DNMT3B: variants seen among roughly 807,000 people sequenced by gnomAD.
The protein encoded by DNMT3B is DNA methyltransferase 3 beta.
A neutral mutation model predicts 120.2 loss-of-function variants in DNMT3B; 37 were observed. The ratio of observed to expected loss-of-function variants is 0.31; its 90% CI spans 0.24 to 0.40. The LOEUF is 0.40. Among genes scored for constraint, DNMT3B ranks in the 10% least tolerant of loss-of-function variants. The pLI, the probability that DNMT3B is intolerant of heterozygous loss-of-function variation, is 1.00. For missense variants in DNMT3B, 878 were observed against 1,137.3 expected, an observed-to-expected ratio of 0.77 and a Z score of 3.28; for synonymous variants, 412 against 442.8, an observed-to-expected ratio of 0.93 and a Z score of 0.87.
chr20:32,801,139 TC>T (rs1294149676), intron 18 of DNMT3B, 138 bp from the exon 19 acceptor site: 29 of 1,332,014 alleles, frequency 2.2e-5, no homozygotes, highest in Non-Finnish European at 3.1e-5. Flanking sequence ...GTCCCTGCTG[TC>T]ATTCAGGTGG....
intron 16 of DNMT3B, among the ~76,000 whole-genome samples, chr20:32,799,627 C>G (rs1027184976): frequency 6.6e-6 from 1 of 152,186 alleles, no homozygotes; most frequent in African/African-American, 2.4e-5. Flanking sequence ...TCAAGTGATT[C>G]TCTCCTCAGC....
intron 1 of DNMT3B, among the ~76,000 whole-genome samples, chr20:32,762,929 C>A (rs929794479): frequency 6.6e-6 from 1 of 152,006 alleles, no homozygotes; most frequent in Non-Finnish European, 1.5e-5. Context: ...GGGGGACATA[C>A]GTCTGACGGG....
chr20:32,797,605 C>G lies in DNMT3B; in HGVS notation c.1490+306C>G, dbSNP rs142620922. 9.5e-3 allele frequency among the ~76,000 whole-genome samples: 1,440 copies of G among 152,190 alleles called. 25 individuals carry two copies. Among genetic ancestry groups the G allele is most frequent in the African/African-American group, 0.033 (1,388 of 41,502 alleles). On this transcript the variant is annotated intron_variant, in intron 14 of 22. Transcript: ENST00000328111. Reference sequence around the variant, plus strand: ...AATTCCTGTGCTCAAGCAATCCTCCCACCTCAGCCTCCTGAACAGCTTGAT... The same window carrying G: ...AATTCCTGTGCTCAAGCAATCCTCCGACCTCAGCCTCCTGAACAGCTTGAT...
At chr20:32,786,187 C>T (rs573933106) in intron 4 of DNMT3B, among the ~76,000 whole-genome samples, 131 of 152,336 alleles carry the variant, frequency 8.6e-4, no homozygotes, top group Non-Finnish European at 5.0e-4. Context: ...TGCGCTTGGC[C>T]AGATTTTTAT....
chr20:32,784,891 G>A, intron 4 of DNMT3B, 32 bp downstream of exon 4: 3 of 1,607,628 alleles, frequency 1.9e-6, no homozygotes, highest in African/African-American at 1.3e-5. Flanking sequence ...CAAAGCACTT[G>A]TGGCCAACAC....
chr20:32,762,538 C>T lies in DNMT3B; in HGVS notation c.-168C>T. On this transcript the variant is annotated 5_prime_UTR_variant, in exon 1 of 23. Transcript: ENST00000328111. ...GCGAGCGGGCGGCAACGCTGCCCGG[C>T]CGGCAGCGCTGGGGTTAAGTGGCCC... is the stretch of plus-strand genomic sequence containing the variant. 3.0e-6 allele frequency: 1 copy of T among 334,474 alleles called. No homozygotes were observed. Among genetic ancestry groups the T allele is most frequent in the Admixed American group, 3.0e-5 (1 of 33,784 alleles). 20.7% of individuals were successfully genotyped at this position (334,474 alleles called of 1,614,324 possible).
chr20:32,764,356 A>C (rs1411311515), intron 1 of DNMT3B, among the ~76,000 whole-genome samples: 2 of 152,190 alleles, frequency 1.3e-5, no homozygotes, highest in Non-Finnish European at 2.9e-5. Flanking sequence ...GCCTGGGTAA[A>C]GAGGCAGTGG....
intron 21 of DNMT3B, 130 bp downstream of exon 21, chr20:32,805,537 C>A: frequency 1.0e-6 from 1 of 975,650 alleles, no homozygotes; most frequent in Non-Finnish European, 1.6e-6. Context: ...GGGCTTCCCT[C>A]TCCCACATGA....
At chr20:32,805,486 G>C in intron 21 of DNMT3B, 79 bp downstream of exon 21, 2 of 1,564,468 alleles carry the variant, frequency 1.3e-6, no homozygotes, top group Non-Finnish European at 1.8e-6. Context: ...CTTGGTGTTT[G>C]ATTGGTTCCT....
chr20:32,800,925 G>A lies in DNMT3B; in HGVS notation c.1996G>A (p.Glu666Lys). ...GAATCCAGCCAGGAAAGGCCTGTAT[G>A]GTGAGCATCCTTCTCTCTGGCAGTC... ...NVNPARKGLY[E>K]GTGRLFFEFY... is the part of the protein sequence containing the mutation. Residue 666 changes from glutamate to lysine, a missense_variant and splice_region_variant, in exon 18 of 23, where the codon GAG (glutamate) becomes AAG (lysine). Around this residue, in one of 4 missense-constraint regions of DNMT3B, gnomAD observed 334 missense variants for 518.8 expected, o/e 0.64. Coordinates refer to ENST00000328111, the MANE Select transcript of DNMT3B (RefSeq NM_006892.4). 6.2e-7 allele frequency: 1 copy of A among 1,614,202 alleles called. No homozygotes were observed. Among genetic ancestry groups the A allele is most frequent in the Non-Finnish European group, 8.5e-7 (1 of 1,180,038 alleles).
At chr20:32,781,000 A>G (rs1978556009) in intron 2 of DNMT3B, among the ~76,000 whole-genome samples, 1 of 152,168 alleles carries the variant, frequency 6.6e-6, no homozygotes, top group East Asian at 1.9e-4. Context: ...CACACTCTAC[A>G]TGGGAGCACT....
Position 32,795,427 on chromosome 20 carries a change from G to A in DNMT3B, c.1145G>A (p.Arg382His), listed in dbSNP as rs771192296. 3 of 1,613,928 alleles carry A rather than the reference G, an allele frequency of 1.9e-6. No individual in the cohort carries two copies. The highest frequency in any genetic ancestry group is 2.5e-6 in the Non-Finnish European group (3 of 1,180,010). ...TTCACAGAGAACAAGACTCGAAGAC[G>A]CACAGCTGACGACTCAGCCACCTCT... Reference protein sequence around the residue: ...SRKYENKTRRRTADDSATSDY... With the variant: ...SRKYENKTRRHTADDSATSDY... The change falls in exon 11 of 23, where the codon CGC becomes CAC. Residue 382 changes from arginine to histidine, a missense_variant. By Grantham distance (29) the Arg-to-His change is conservative (BLOSUM62 0). This residue lies in a region of DNMT3B where 207 missense variants were observed against 222.6 expected (regional missense o/e 0.93). Transcript: ENST00000328111.
intron 1 of DNMT3B, among the ~76,000 whole-genome samples, chr20:32,771,039 C>G (rs1243390663): frequency 6.6e-6 from 1 of 152,216 alleles, no homozygotes; most frequent in African/African-American, 2.4e-5. Context: ...GCCACTGTCC[C>G]TGGCATCTTT....
At chr20:32,767,690 T>G (rs776470647) in intron 1 of DNMT3B, among the ~76,000 whole-genome samples, 2 of 152,170 alleles carry the variant, frequency 1.3e-5, no homozygotes, top group Admixed American at 6.5e-5. Context: ...TGCCTCAGTC[T>G]CCGAAAGTGC....
intron 7 of DNMT3B, among the ~76,000 whole-genome samples, chr20:32,790,662 G>A (rs6119962): frequency 0.072 from 10,977 of 151,978 alleles, 1,251 homozygotes; most frequent in African/African-American, 0.24. Flanking sequence ...AACATTCCCT[G>A]TGTCTTTCAG....
At chr20:32,793,933 T>C (rs1355208862) in intron 10 of DNMT3B, among the ~76,000 whole-genome samples, 4 of 152,186 alleles carry the variant, frequency 2.6e-5, no homozygotes, top group African/African-American at 9.7e-5. Context: ...GAGTCAAATT[T>C]AACCATGTCC....
At chr20:32,799,690 A>G (rs1004445827) in intron 16 of DNMT3B, among the ~76,000 whole-genome samples, 1 of 151,956 alleles carries the variant, frequency 6.6e-6, no homozygotes, top group Non-Finnish European at 1.5e-5. Flanking sequence ...GCTAATTTTT[A>G]TATTTTTCGT....
intron 19 of DNMT3B, among the ~76,000 whole-genome samples, chr20:32,801,979 G>T (rs1981397387): frequency 6.6e-6 from 1 of 152,174 alleles, no homozygotes; most frequent in South Asian, 2.1e-4. Flanking sequence ...GGACTCATGA[G>T]ATTTGACTCA....
intron 1 of DNMT3B, among the ~76,000 whole-genome samples, chr20:32,767,175 C>T (rs1309998595): frequency 1.3e-5 from 2 of 152,108 alleles, no homozygotes; most frequent in South Asian, 2.1e-4. Context: ...GGATTATAGG[C>T]GTGAGCCACC....
Sources: allele counts gnomAD v4.1 joint callset (sites outside exome capture counted in the v4.1 genomes callset), GRCh38; gene constraint gnomAD v4.1.1; regional missense constraint gnomAD v4.1.1; transcripts MANE v1.5; gene names NCBI Gene and HGNC (gene_info 2026-07-23, HGNC 2026-07-21).